Variants in SPTLC2 observed in about 807,000 individuals in gnomAD.
SPTLC2 encodes serine palmitoyltransferase 2.
A neutral mutation model predicts 62.0 loss-of-function variants in SPTLC2; 21 were observed. The ratio of observed to expected loss-of-function variants is 0.34; its 90% CI spans 0.24 to 0.49. The LOEUF (loss-of-function observed/expected upper bound fraction) is 0.49, where lower values mean the gene tolerates loss of function less well. Ranked by LOEUF, SPTLC2 falls within the 20% of genes least tolerant of loss-of-function variation. SPTLC2 has a pLI of 0.99. For synonymous variants in SPTLC2, 261 were observed against 261.8 expected, an observed-to-expected ratio of 1.00 and a Z score of 0.03; for missense variants, 511 against 713.0, an observed-to-expected ratio of 0.72 and a Z score of 3.23.
intron 10 of SPTLC2, among the ~76,000 whole-genome samples, chr14:77,521,187 G>C (rs2079383166): frequency 6.6e-6 from 1 of 152,182 alleles, no homozygotes; most frequent in Admixed American, 6.5e-5. Flanking sequence ...GCTCCACAAG[G>C]ACAGAGATGT....
At chr14:77,551,822 C>T (rs2079557053) in intron 9 of SPTLC2, among the ~76,000 whole-genome samples, 2 of 152,106 alleles carry the variant, frequency 1.3e-5, no homozygotes, top group Non-Finnish European at 2.9e-5. Context: ...AGAAAAACCT[C>T]GAAGGTATAT....
At chr14:77,519,096 G>A (rs113714692) in intron 10 of SPTLC2, among the ~76,000 whole-genome samples, 7,364 of 152,206 alleles carry the variant, frequency 0.048, 181 homozygotes, top group Middle Eastern at 0.071. Context: ...CTGCAGTGCA[G>A]TGGCACGATC....
At chr14:77,559,233 G>C (rs1398664196) in intron 6 of SPTLC2, among the ~76,000 whole-genome samples, 1 of 152,148 alleles carries the variant, frequency 6.6e-6, no homozygotes, top group Non-Finnish European at 1.5e-5. Flanking sequence ...TGAGACATGA[G>C]AATCGCTTAA....
chr14:77,582,812 G>A (rs949892013), intron 2 of SPTLC2, among the ~76,000 whole-genome samples: 2 of 152,240 alleles, frequency 1.3e-5, no homozygotes, highest in African/African-American at 4.8e-5. Flanking sequence ...AATGGTAGGA[G>A]AGAGGGACTT....
intron 5 of SPTLC2, among the ~76,000 whole-genome samples, chr14:77,565,177 G>C (rs1406836133): frequency 7.0e-6 from 1 of 143,178 alleles, no homozygotes; most frequent in Non-Finnish European, 1.5e-5. Flanking sequence ...AGGAAGCAGA[G>C]GTTGCAATGA....
At chr14:77,601,267 C>T (rs2079875762) in intron 1 of SPTLC2, among the ~76,000 whole-genome samples, 1 of 152,110 alleles carries the variant, frequency 6.6e-6, no homozygotes. Flanking sequence ...GATGACATTC[C>T]ATCATTGTGA....
chr14:77,547,247 C>T (rs1455549974), intron 9 of SPTLC2, among the ~76,000 whole-genome samples: 13 of 152,060 alleles, frequency 8.5e-5, no homozygotes, highest in Admixed American at 5.9e-4. Flanking sequence ...AGTCTGATTC[C>T]CAGCATCAGA....
At chr14:77,589,370 G>C (rs1298969363) in intron 2 of SPTLC2, among the ~76,000 whole-genome samples, 3 of 151,900 alleles carry the variant, frequency 2.0e-5, no homozygotes, top group African/African-American at 7.3e-5. Flanking sequence ...ACAGTCATTT[G>C]TATGTTTGTG....
chr14:77,615,656 G>T (rs2079962570), intron 1 of SPTLC2, among the ~76,000 whole-genome samples: 1 of 152,194 alleles, frequency 6.6e-6, no homozygotes, highest in Non-Finnish European at 1.5e-5. Flanking sequence ...GCATTGTCTT[G>T]AATTTAGAAC....
chr14:77,533,160 C>T (rs1001277846), intron 9 of SPTLC2, among the ~76,000 whole-genome samples: 7 of 151,756 alleles, frequency 4.6e-5, no homozygotes, highest in Non-Finnish European at 8.8e-5. Flanking sequence ...ATTAGCTGGG[C>T]GTGGTGGTGC....
At chr14:77,548,751 G>A (rs2079541815) in intron 9 of SPTLC2, among the ~76,000 whole-genome samples, 1 of 152,124 alleles carries the variant, frequency 6.6e-6, no homozygotes, top group Non-Finnish European at 1.5e-5. Context: ...GAAACTGGAG[G>A]GGAAATGCGG....
chr14:77,588,702 GA>G (rs72452367), intron 2 of SPTLC2, among the ~76,000 whole-genome samples: 61,463 of 143,454 alleles, frequency 0.43, 13,910 homozygotes, highest in Non-Finnish European at 0.52. Flanking sequence ...TCTCTGAAAA[GA>G]AAAAAAAAAA....
At chr14:77,599,256 G>A (rs962909021) in intron 1 of SPTLC2, among the ~76,000 whole-genome samples, 1 of 152,308 alleles carries the variant, frequency 6.6e-6, no homozygotes, top group East Asian at 1.9e-4. Flanking sequence ...CTGCAGTGAG[G>A]ATGGTTAAAC....
At chr14:77,553,347 C>T (rs1053835308) in intron 8 of SPTLC2, among the ~76,000 whole-genome samples, 3 of 152,072 alleles carry the variant, frequency 2.0e-5, no homozygotes, top group Non-Finnish European at 4.4e-5. Flanking sequence ...ATTTTTCTAT[C>T]CTTTGGTTCA....
At chr14:77,533,265 A>G (rs982041031) in intron 9 of SPTLC2, among the ~76,000 whole-genome samples, 1 of 148,370 alleles carries the variant, frequency 6.7e-6, no homozygotes, top group Non-Finnish European at 1.5e-5. Context: ...GTGCCATTGC[A>G]CTCTAGCATG....
At chr14:77,572,031 A>G (rs1023696311) in intron 4 of SPTLC2, among the ~76,000 whole-genome samples, 2 of 152,096 alleles carry the variant, frequency 1.3e-5, no homozygotes, top group Admixed American at 1.3e-4. Flanking sequence ...CAAGAGATCC[A>G]CCCACCTTGG....
intron 9 of SPTLC2, among the ~76,000 whole-genome samples, chr14:77,538,467 G>C (rs796422980): frequency 1.2e-4 from 19 of 152,308 alleles, no homozygotes; most frequent in African/African-American, 4.6e-4. Context: ...AGTCATTTTG[G>C]ATGTCATACA....
intron 2 of SPTLC2, among the ~76,000 whole-genome samples, chr14:77,588,753 C>G (rs1472054938): frequency 1.3e-5 from 2 of 150,494 alleles, no homozygotes; most frequent in Non-Finnish European, 2.9e-5. Context: ...ATAATCCCAG[C>G]ACTTTAGGAG....
chr14:77,572,683 C>T (rs1019636988), intron 4 of SPTLC2, among the ~76,000 whole-genome samples: 8 of 152,204 alleles, frequency 5.3e-5, no homozygotes, highest in African/African-American at 1.9e-4. Context: ...ATTGTAGCCA[C>T]CTTCATCAAT....
Sources: gnomAD v4.1 joint callset for allele counts (sites outside exome capture counted in the v4.1 genomes callset) on GRCh38, gnomAD v4.1.1 for gene constraint, MANE v1.5 for transcripts, NCBI Gene and HGNC (gene_info 2026-07-23, HGNC 2026-07-21) for gene names.